Variants in KDR observed in about 807,000 individuals in gnomAD.
The protein encoded by KDR is kinase insert domain receptor.
A neutral mutation model predicts 160.9 loss-of-function variants in KDR; 43 were observed. That is an observed-to-expected ratio of 0.27 (90% confidence interval 0.21 to 0.34). KDR has a LOEUF of 0.34. KDR is among the 10% of genes least tolerant of loss of function. The pLI, the probability that KDR is intolerant of heterozygous loss-of-function variation, is 1.00. For missense variants in KDR, 1,469 were observed against 1,666.4 expected, an observed-to-expected ratio of 0.88 and a Z score of 2.06; for synonymous variants, 617 against 600.1, an observed-to-expected ratio of 1.03 and a Z score of -0.41.
chr4:55,079,822 C>T lies in KDR; in HGVS notation c.*119G>A, dbSNP rs2110003423. The T allele has an allele frequency of 1.1e-6, 1 of 935,146 alleles. No individual in the cohort carries two copies. The highest frequency in any genetic ancestry group is 1.8e-5 in the Admixed American group (1 of 55,738). 57.9% of individuals were successfully genotyped at this position (935,146 alleles called of 1,614,324 possible). On this transcript the variant is annotated 3_prime_UTR_variant, in exon 30 of 30. Coordinates refer to ENST00000263923, the MANE Select transcript of KDR (RefSeq NM_002253.4). The stretch of plus-strand genomic sequence containing the variant: ...CTCCCTGCAGTCCGAGGTCCTTTTT[C>T]TGTTGTCGAAATGAAAATCAAATGC...
intron 7 of KDR, among the ~76,000 whole-genome samples, chr4:55,112,695 A>AT (rs1453820037): frequency 2.6e-5 from 4 of 152,030 alleles, no homozygotes; most frequent in African/African-American, 9.6e-5. Flanking sequence ...CACCAGGCTA[A>AT]TTTTTTGGAT....
Position 55,084,591 on chromosome 4 carries a change from C to T in KDR, c.3663-1956G>A, listed in dbSNP as rs1719812815. Among the ~76,000 whole-genome samples the T allele has an allele frequency of 2.0e-5, 3 of 152,070 alleles. No homozygotes were observed. The South Asian group carries it at 6.2e-4, about 32-fold the overall frequency. Reference sequence around the variant, plus strand: ...GAGAAACAGGTCTTTTAACTATTTCCCCTTTGGAGATGAGGGAGTCAAGGA... The same window carrying T: ...GAGAAACAGGTCTTTTAACTATTTCTCCTTTGGAGATGAGGGAGTCAAGGA... On this transcript the variant is annotated intron_variant, in intron 27 of 29. Transcript: ENST00000263923.
chr4:55,124,617 C>T (rs971715276), intron 1 of KDR, among the ~76,000 whole-genome samples: 4 of 152,036 alleles, frequency 2.6e-5, no homozygotes, highest in African/African-American at 9.7e-5. Flanking sequence ...TCCCTATTCC[C>T]CCCCTTCTTC....
chr4:55,119,099 C>T (rs370751519), intron 2 of KDR, among the ~76,000 whole-genome samples: 3 of 152,116 alleles, frequency 2.0e-5, no homozygotes, highest in South Asian at 4.2e-4. Context: ...ATCCCAGCTA[C>T]TCAGGAGGCT....
intron 24 of KDR, 53 bp downstream of exon 24, chr4:55,089,638 C>T (rs1560513997): frequency 6.6e-7 from 1 of 1,525,556 alleles, no homozygotes; most frequent in Non-Finnish European, 9.1e-7. Context: ...GAAAAGACAA[C>T]TTTTGTCTTC....
Position 55,118,758 on chromosome 4 carries a change from A to T in KDR, c.204T>A (p.Ser68Arg), listed in dbSNP as rs141641290. Residue 68 changes from serine to arginine, a missense_variant, in exon 3 of 30, where the codon AGT (serine) becomes AGA (arginine). By Grantham distance (110) the Ser-to-Arg change is moderately radical (BLOSUM62 -1). This residue lies in a region of KDR where 792 missense variants were observed against 840.9 expected (regional missense o/e 0.94). Coordinates refer to ENST00000263923, the MANE Select transcript of KDR (RefSeq NM_002253.4). ...TCACCTCCACCCTTTGCTCACTGCC[A>T]CTCTGATTATTGGGCCAAAGCCAGT... ...DLDWLWPNNQ[S>R]GSEQRVEVTE... The T allele has an allele frequency of 6.2e-7, 1 of 1,614,044 alleles. No individual in the cohort carries two copies. The highest frequency in any genetic ancestry group is 1.3e-5 in the African/African-American group (1 of 74,996).
chr4:55,123,370 C>T (rs1176735984), intron 1 of KDR, among the ~76,000 whole-genome samples: 1 of 152,112 alleles, frequency 6.6e-6, no homozygotes, highest in East Asian at 1.9e-4. Context: ...AAACTGTGCC[C>T]ACTCGGCTAC....
At chr4:55,107,633 C>CT in intron 10 of KDR, 104 bp downstream of exon 10, 3 of 1,481,178 alleles carry the variant, frequency 2.0e-6, no homozygotes, top group Non-Finnish European at 1.9e-6. Flanking sequence ...TGAGAGAAAA[C>CT]TTTTTTTGGT....
At chr4:55,092,264 C>T in intron 22 of KDR, 2 of 335,108 alleles carry the variant, frequency 6.0e-6, no homozygotes, top group Non-Finnish European at 1.2e-5. Context: ...ATCTAACCTA[C>T]AACACGTTTT....
chr4:55,113,977 G>A, intron 6 of KDR, 149 bp downstream of exon 6: 1 of 791,536 alleles, frequency 1.3e-6, no homozygotes, highest in Non-Finnish European at 2.2e-6. Flanking sequence ...TTGTGTGTGT[G>A]TGTATGTGTG....
In KDR at chr4:55,106,794, T is replaced by C. The variant is rs756213886; in HGVS notation, c.1429A>G (p.Thr477Ala). The change falls in exon 11 of 30, where the codon ACA becomes GCA. Residue 477 changes from threonine (T) to alanine (A), a missense_variant. Around this residue, in one of 7 missense-constraint regions of KDR, gnomAD observed 792 missense variants for 840.9 expected, o/e 0.94. Coordinates refer to ENST00000263923, the MANE Select transcript of KDR (RefSeq NM_002253.4). ...ANEPSQAVSV[T>A]NPYPCEEWRS... The stretch of plus-strand genomic sequence containing the variant: ...CATTCTTCACAAGGGTATGGGTTTG[T>C]CACTGAGACAGCTTGGCTATAAGAA... The C allele has an allele frequency of 1.2e-6, 2 of 1,608,188 alleles. No individual in the cohort carries two copies. The highest frequency in any genetic ancestry group is 2.2e-5 in the South Asian group (2 of 91,000).
intron 27 of KDR, among the ~76,000 whole-genome samples, chr4:55,085,065 C>T (rs369059036): frequency 6.6e-6 from 1 of 152,194 alleles, no homozygotes; most frequent in Admixed American, 6.5e-5. Flanking sequence ...TAAGAGAGAA[C>T]TGCAAAGAAA....
At chr4:55,089,528 CCCTGAG>C (rs1246657231) in intron 24 of KDR, 55 bp from the exon 25 acceptor site, 2 of 1,468,940 alleles carry the variant, frequency 1.4e-6, no homozygotes, top group Admixed American at 1.7e-5. Flanking sequence ...TTATAGAAAA[CCCTGAG>C]CCTGAATCTT....
intron 22 of KDR, chr4:55,092,352 G>T (rs1720039938): frequency 2.1e-6 from 1 of 466,856 alleles, no homozygotes; most frequent in Non-Finnish European, 4.0e-6. Context: ...TTGCCTGATT[G>T]TTCACCACAG....
In KDR at chr4:55,096,191, T is replaced by C. The variant is rs10517340; in HGVS notation, c.2728+38A>G. ...CCTCAAACACTATCAGAGAGGCATG[T>C]TAAAATTGGGTGACCAAAACCACCC... On this transcript the variant is annotated intron_variant, in intron 19 of 29. Transcript: ENST00000263923. The C allele has an allele frequency of 0.012, 14,497 of 1,166,056 alleles. 1,148 individuals are homozygous for C. The African/African-American group carries it at 0.18, about 15-fold the overall frequency. The allele number at this position is 1,166,056 out of a possible 1,614,324, so 72.2% of individuals were successfully genotyped here.
At chr4:55,102,561 G>C (rs976388997) in intron 13 of KDR, 53 bp from the exon 14 acceptor site, 7 of 1,599,020 alleles carry the variant, frequency 4.4e-6, no homozygotes, top group Non-Finnish European at 6.0e-6. Flanking sequence ...TTTTGAAATG[G>C]TTCTGGTATC....
In KDR at chr4:55,094,870, C is replaced by A. The variant is rs748708773; in HGVS notation, c.2903G>T (p.Ser968Ile). 1.2e-6 allele frequency: 2 copies of A among 1,613,948 alleles called. No individual in the cohort carries two copies. The highest frequency in any genetic ancestry group is 1.7e-6 in the Non-Finnish European group (2 of 1,179,860). ...DLKRRLDSIT[S>I]SQSSASSGFV... Reference sequence around the variant, plus strand: ...TCCAGAGCTGGCTGAGCTCTGGCTACTGGTGATGCTGTCCAAGCGCCGTTT... The same window carrying A: ...TCCAGAGCTGGCTGAGCTCTGGCTAATGGTGATGCTGTCCAAGCGCCGTTT... The change falls in exon 21 of 30, where the codon AGT becomes ATT. Residue 968 changes from serine to isoleucine, a missense_variant. This residue lies in a region of KDR where 151 missense variants were observed against 207.2 expected (regional missense o/e 0.73). Transcript: ENST00000263923.
intron 7 of KDR, 137 bp downstream of exon 7, chr4:55,113,167 G>T: frequency 1.1e-6 from 1 of 891,494 alleles, no homozygotes; most frequent in Non-Finnish European, 1.8e-6. Context: ...TTGACCTCTA[G>T]GTCATGTGGC....
intron 3 of KDR, 33 bp from the exon 4 acceptor site, chr4:55,115,444 A>T (rs1276857505): frequency 8.4e-7 from 1 of 1,192,840 alleles, no homozygotes; most frequent in Non-Finnish European, 1.3e-6. Flanking sequence ...TAATGAGTTA[A>T]TAGTATTTAC....
Sources: allele counts gnomAD v4.1 joint callset (sites outside exome capture counted in the v4.1 genomes callset), GRCh38; gene constraint gnomAD v4.1.1; regional missense constraint gnomAD v4.1.1; transcripts MANE v1.5; gene names NCBI Gene and HGNC (gene_info 2026-07-23, HGNC 2026-07-21).